Variants in PIP5K1A observed in about 807,000 individuals in gnomAD.
The protein encoded by PIP5K1A is phosphatidylinositol 4-phosphate 5-kinase type-1 alpha.
A neutral mutation model predicts 72.9 loss-of-function variants in PIP5K1A; 46 were observed. The observed-to-expected ratio is 0.63, with a 90% confidence interval of 0.50 to 0.81. PIP5K1A has a LOEUF of 0.81. PIP5K1A is among the 30% of genes least tolerant of loss of function. The pLI is 0.00. For synonymous variants in PIP5K1A, 228 were observed against 255.1 expected (o/e 0.89, Z 1.01); for missense variants, 458 against 706.1 (o/e 0.65, Z 3.98).
intron 9 of PIP5K1A, among the ~76,000 whole-genome samples, chr1:151,237,599 G>A (rs112586332): frequency 6.5e-4 from 99 of 152,098 alleles, no homozygotes; most frequent in Middle Eastern, 6.8e-3. Flanking sequence ...GGTCAAGGCT[G>A]CAGTGAGCCA....
intron 1 of PIP5K1A, among the ~76,000 whole-genome samples, chr1:151,219,085 A>C (rs2102318111): frequency 6.6e-6 from 1 of 152,272 alleles, no homozygotes; most frequent in East Asian, 1.9e-4. Flanking sequence ...TTTTAGCTTG[A>C]AAATTGGAAA....
chr1:151,242,652 T>C (rs587775307), intron 14 of PIP5K1A, 85 bp downstream of exon 14: 3 of 1,159,662 alleles, frequency 2.6e-6, no homozygotes, highest in South Asian at 1.3e-5. Context: ...TGCATCATAA[T>C]AAATTACCCC....
intron 15 of PIP5K1A, among the ~76,000 whole-genome samples, chr1:151,247,203 C>T (rs1299795025): frequency 3.3e-5 from 5 of 151,824 alleles, no homozygotes; most frequent in African/African-American, 1.2e-4. Flanking sequence ...TCTCAGCTCA[C>T]CTGCAACCTC....
rs1156852097 is a variant in PIP5K1A, at chr1:151,248,086, C to T, written c.*221C>T. 16 of 545,372 alleles carry T rather than the reference C, an allele frequency of 2.9e-5. No individual in the cohort carries two copies. Among genetic ancestry groups the T allele is most frequent in the South Asian group, 2.5e-4 (11 of 44,250 alleles). 33.8% of individuals were successfully genotyped at this position (545,372 alleles called of 1,614,324 possible). On this transcript the variant is annotated 3_prime_UTR_variant, in exon 16 of 16. Coordinates refer to ENST00000368888, the MANE Select transcript of PIP5K1A (RefSeq NM_001135638.2). ...CTTAGTGCCTCAGAGAGTTGAGGAC[C>T]GCAGCATCCCCTCCACTCCAGAGTT...
intron 14 of PIP5K1A, among the ~76,000 whole-genome samples, chr1:151,245,083 T>C (rs1488723481): frequency 6.6e-6 from 1 of 152,154 alleles, no homozygotes; most frequent in Non-Finnish European, 1.5e-5. Context: ...TGGAGAGGCT[T>C]AGAATTTTCA....
chr1:151,246,963 C>T lies in PIP5K1A; in HGVS notation c.1684C>T (p.His562Tyr), dbSNP rs1692596050. The T allele has an allele frequency of 1.9e-6, 3 of 1,612,458 alleles. 1 individual carries two copies. The highest frequency in any genetic ancestry group is 3.3e-4 in the Middle Eastern group (2 of 6,060). Residue 562 changes from histidine (H) to tyrosine (Y), a missense_variant and splice_region_variant, in exon 15 of 16, where the codon CAT (histidine) becomes TAT (tyrosine). This residue lies in a region of PIP5K1A where 157 missense variants were observed against 175.5 expected (regional missense o/e 0.89). Transcript: ENST00000368888. ...KLEVAESEFTH is the reference protein window; with the variant it reads ...KLEVAESEFTY ...TGAAGTTGCAGAGTCAGAGTTCACC[C>T]ATGTGAGTATCTGGGATGTGTGGGA...
Position 151,239,967 on chromosome 1 carries a change from G to A in PIP5K1A, c.1291G>A (p.Val431Met). The change falls in exon 12 of 16, where the codon GTG (valine) becomes ATG (methionine). Residue 431 changes from valine (V) to methionine (M), a missense_variant. Coordinates refer to ENST00000368888, the MANE Select transcript of PIP5K1A (RefSeq NM_001135638.2). Reference sequence around the variant, plus strand: ...TTCTGCTCTGCAGGACACTGTCTCAGTGCATCGCCCAGGCTTCTACGCTGA... The same window carrying A: ...TTCTGCTCTGCAGGACACTGTCTCAATGCATCGCCCAGGCTTCTACGCTGA... ...ALVHDGDTVS[V>M]HRPGFYAERF... 1.2e-6 allele frequency: 2 copies of A among 1,612,624 alleles called. No homozygotes were observed. The highest frequency in any genetic ancestry group is 1.7e-6 in the Non-Finnish European group (2 of 1,178,910).
intron 6 of PIP5K1A, 66 bp from the exon 7 acceptor site, chr1:151,232,485 T>C: frequency 6.5e-7 from 1 of 1,539,924 alleles, no homozygotes; most frequent in East Asian, 2.2e-5. Flanking sequence ...GCATCTGTAG[T>C]TGATTTTTGT....
chr1:151,221,249 T>A (rs75239452), intron 1 of PIP5K1A, among the ~76,000 whole-genome samples: 67 of 152,298 alleles, frequency 4.4e-4, no homozygotes, highest in Non-Finnish European at 7.6e-4. Context: ...ATATCAGCAT[T>A]GCAGTTTAGT....
intron 11 of PIP5K1A, among the ~76,000 whole-genome samples, 172 bp downstream of exon 11, chr1:151,239,350 G>GCAA (rs1691336988): frequency 7.0e-6 from 1 of 142,302 alleles, no homozygotes; most frequent in Non-Finnish European, 1.5e-5. Context: ...TCGGCTCGCT[G>GCAA]CAACCTCCGT....
In PIP5K1A at chr1:151,234,532, A is replaced by G. The variant is rs200075303; in HGVS notation, c.939+36A>G. On this transcript the variant is annotated intron_variant, in intron 8 of 15. Transcript: ENST00000368888. The stretch of plus-strand genomic sequence containing the variant: ...TACTTAGACATCAAAAATCTCAGTT[A>G]CTAAAACAGCTTGATTGTTCTTAGG... The G allele has an allele frequency of 1.4e-3, 2,198 of 1,544,918 alleles. 3 individuals are homozygous for G. The highest frequency in any genetic ancestry group is 4.2e-3 in the Middle Eastern group (25 of 5,918).
chr1:151,223,173 A>G (rs1218826981), intron 1 of PIP5K1A, among the ~76,000 whole-genome samples: 1 of 151,844 alleles, frequency 6.6e-6, no homozygotes, highest in African/African-American at 2.4e-5. Context: ...CGACATGATG[A>G]AACCCCATCT....
intron 3 of PIP5K1A, among the ~76,000 whole-genome samples, chr1:151,225,208 C>G (rs908382403): frequency 6.6e-6 from 1 of 152,036 alleles, no homozygotes; most frequent in African/African-American, 2.4e-5. Flanking sequence ...ACACCATAGT[C>G]CCAGCTACTC....
Position 151,232,683 on chromosome 1 carries a change from C to G in PIP5K1A, c.619C>G (p.Leu207Val). The change falls in exon 7 of 16, where the codon CTG becomes GTG. Residue 207 changes from leucine to valine, a missense_variant. Physicochemically the swap from Leu to Val is conservative, Grantham distance 32. Coordinates refer to ENST00000368888, the MANE Select transcript of PIP5K1A (RefSeq NM_001135638.2). Reference sequence around the variant, plus strand: ...TAAAGAGGCGGAATTTCTGCAGAAGCTGCTTCCAGGATACTACATGGTAAG... The same window carrying G: ...TAAAGAGGCGGAATTTCTGCAGAAGGTGCTTCCAGGATACTACATGGTAAG... Reference protein sequence around the residue: ...QHKEAEFLQKLLPGYYMNLNQ... With the variant: ...QHKEAEFLQKVLPGYYMNLNQ... 6.2e-7 allele frequency: 1 copy of G among 1,613,970 alleles called. No homozygotes were observed. Among genetic ancestry groups the G allele is most frequent in the Non-Finnish European group, 8.5e-7 (1 of 1,179,918 alleles).
chr1:151,235,435 G>A (rs1217208042), intron 8 of PIP5K1A, among the ~76,000 whole-genome samples: 1 of 152,158 alleles, frequency 6.6e-6, no homozygotes, highest in Non-Finnish European at 1.5e-5. Context: ...ACTTCCCACT[G>A]TTGCACATAT....
chr1:151,197,973 C>A (rs753904280), upstream of PIP5K1A: 12 of 459,024 alleles, frequency 2.6e-5, no homozygotes, highest in South Asian at 1.9e-4. Context: ...GTGATAAGTC[C>A]CTGATAGCCT....
chr1:151,208,950 T>G (rs1295064316), intron 1 of PIP5K1A, among the ~76,000 whole-genome samples: 2 of 151,176 alleles, frequency 1.3e-5, no homozygotes, highest in Non-Finnish European at 2.9e-5. Context: ...GCCAGGATGG[T>G]CTCGATCTTC....
At chr1:151,211,519 A>G (rs370502698) in intron 1 of PIP5K1A, among the ~76,000 whole-genome samples, 9 of 151,000 alleles carry the variant, frequency 6.0e-5, no homozygotes, top group African/African-American at 2.2e-4. Flanking sequence ...TTTGTTGGCC[A>G]GGCGTGGTGG....
At chr1:151,215,906 C>T in intron 1 of PIP5K1A, 3 of 1,005,062 alleles carry the variant, frequency 3.0e-6, no homozygotes, top group Non-Finnish European at 4.2e-6. Context: ...GCTTATCATG[C>T]TGTAAGCAAA....
Sources: allele counts gnomAD v4.1 joint callset (sites outside exome capture counted in the v4.1 genomes callset), GRCh38; gene constraint gnomAD v4.1.1; regional missense constraint gnomAD v4.1.1; transcripts MANE v1.5; gene names NCBI Gene and HGNC (gene_info 2026-07-23, HGNC 2026-07-21).